GAS7: variants seen among roughly 807,000 people sequenced by gnomAD.
GAS7 encodes growth arrest-specific protein 7.
In GAS7, 28 loss-of-function variants were observed where a neutral mutation model predicts 71.1. That is an observed-to-expected ratio of 0.39 (90% CI 0.29 to 0.54). The LOEUF is 0.54. GAS7 is among the 20% of genes least tolerant of loss of function. The pLI, the probability that GAS7 is intolerant of heterozygous loss-of-function variation, is 0.62. For synonymous variants in GAS7, 258 were observed against 245.8 expected (o/e 1.05, Z -0.46); for missense variants, 436 against 627.8 (o/e 0.69, Z 3.27).
chr17:9,943,221 G>T lies in GAS7; in HGVS notation c.631C>A (p.Pro211Thr). Residue 211 changes from proline to threonine, a missense_variant, in exon 7 of 14, where the codon CCC becomes ACC. Pro to Thr is a conservative substitution (Grantham distance 38, BLOSUM62 -1). Transcript: ENST00000432992. The stretch of plus-strand genomic sequence containing the variant: ...CCAGCCACGGTGCCGTTGCCTTGGG[G>T]GTCCTTCTTATCAGCCTACAAAGGA... ...CDYFWADKKD[P>T]QGNGTVAGFE... The T allele has an allele frequency of 6.2e-7, 1 of 1,605,124 alleles. No individual in the cohort carries two copies.
At chr17:10,028,152 C>T (rs1464286320) in intron 1 of GAS7, among the ~76,000 whole-genome samples, 1 of 152,202 alleles carries the variant, frequency 6.6e-6, no homozygotes, top group Non-Finnish European at 1.5e-5. Flanking sequence ...ATCCACCCAC[C>T]TTGGCCTCCT....
At chr17:9,975,949 T>G (rs748353875) in intron 3 of GAS7, among the ~76,000 whole-genome samples, 5 of 151,046 alleles carry the variant, frequency 3.3e-5, no homozygotes, top group Admixed American at 6.6e-5. Flanking sequence ...TCTGATGACA[T>G]AGGGCACAAT....
chr17:10,060,871 C>G (rs989951237), intron 1 of GAS7, among the ~76,000 whole-genome samples: 25 of 152,154 alleles, frequency 1.6e-4, no homozygotes, highest in African/African-American at 5.8e-4. Context: ...ACTTTGTCCC[C>G]CCTGAGGACA....
At chr17:10,159,953 T>G (rs368900663) in intron 1 of GAS7, among the ~76,000 whole-genome samples, 2 of 150,650 alleles carry the variant, frequency 1.3e-5, no homozygotes, top group Admixed American at 1.3e-4. Flanking sequence ...ACCTAGCTAA[T>G]TTTTTTGTAG....
At chr17:10,118,468 T>C (rs1175969074) in intron 1 of GAS7, among the ~76,000 whole-genome samples, 2 of 152,112 alleles carry the variant, frequency 1.3e-5, no homozygotes, top group African/African-American at 4.8e-5. Flanking sequence ...CCCAACACTT[T>C]GGGAGGCCAA....
chr17:10,065,479 G>C (rs756576475), intron 1 of GAS7, among the ~76,000 whole-genome samples: 13 of 152,128 alleles, frequency 8.5e-5, no homozygotes, highest in Non-Finnish European at 1.9e-4. Flanking sequence ...TTCAGCTCCT[G>C]GTAGCCGCTG....
intron 1 of GAS7, among the ~76,000 whole-genome samples, chr17:10,035,063 A>G (rs904852102): frequency 5.3e-5 from 8 of 151,880 alleles, no homozygotes; most frequent in Non-Finnish European, 8.8e-5. Context: ...CAGCCCACCA[A>G]CAGCCTCTGC....
intron 1 of GAS7, among the ~76,000 whole-genome samples, chr17:10,149,934 G>A (rs2142106334): frequency 6.6e-6 from 1 of 152,252 alleles, no homozygotes; most frequent in East Asian, 1.9e-4. Context: ...AGTAGTTGTT[G>A]GTTGTTAGGG....
intron 1 of GAS7, among the ~76,000 whole-genome samples, chr17:10,073,511 T>A (rs1331110061): frequency 1.3e-5 from 2 of 152,156 alleles, no homozygotes; most frequent in African/African-American, 4.8e-5. Context: ...AGCCTTGCTG[T>A]TATATAAGAC....
intron 1 of GAS7, among the ~76,000 whole-genome samples, chr17:10,160,949 C>CACAT (rs2074250615): frequency 7.6e-6 from 1 of 131,174 alleles, no homozygotes; most frequent in South Asian, 2.6e-4. Context: ...TACACACACA[C>CACAT]ACACACACAC....
chr17:10,008,715 A>T (rs1279644233), intron 2 of GAS7, among the ~76,000 whole-genome samples: 1 of 152,218 alleles, frequency 6.6e-6, no homozygotes. Flanking sequence ...CTAAGAATCC[A>T]TTAAAGAAAA....
chr17:9,965,099 CT>C (rs1488525662), intron 4 of GAS7, among the ~76,000 whole-genome samples: 4 of 152,204 alleles, frequency 2.6e-5, no homozygotes, highest in Non-Finnish European at 5.9e-5. Flanking sequence ...GGACGCGATT[CT>C]GCAAAGGCAG....
In GAS7 at chr17:9,915,204, G is replaced by A. The variant is rs189953120; in HGVS notation, c.*2024C>T. 1 of 231,318 alleles carries A rather than the reference G, an allele frequency of 4.3e-6. No homozygotes were observed. Among genetic ancestry groups the A allele is most frequent in the East Asian group, 6.1e-5 (1 of 16,328 alleles). The allele number at this position is 231,318 out of a possible 1,614,324, so 14.3% of individuals were successfully genotyped here. On this transcript the variant is annotated 3_prime_UTR_variant, in exon 14 of 14. Coordinates refer to ENST00000432992, the MANE Select transcript of GAS7 (RefSeq NM_201433.2). ...GCTCACTCTATCCCAGGGATGAACA[G>A]AGGACTCTGGAATCCTCAGATGTAA...
intron 1 of GAS7, among the ~76,000 whole-genome samples, chr17:10,083,803 A>G (rs1367514556): frequency 6.6e-6 from 1 of 152,236 alleles, no homozygotes; most frequent in African/African-American, 2.4e-5. Context: ...AAAAGGTTAA[A>G]GCAAAGACAC....
At chr17:9,921,331 AT>A (rs1484032231) in intron 11 of GAS7, among the ~76,000 whole-genome samples, 1 of 151,550 alleles carries the variant, frequency 6.6e-6, no homozygotes, top group African/African-American at 2.4e-5. Flanking sequence ...TAGTTTTTGT[AT>A]TTTTAGTAGA....
At chr17:10,141,958 A>G (rs930327106) in intron 1 of GAS7, among the ~76,000 whole-genome samples, 37 of 145,944 alleles carry the variant, frequency 2.5e-4, no homozygotes, top group African/African-American at 6.9e-4. Context: ...GCCGGGCGCA[A>G]TGGCTCACGC....
In GAS7 at chr17:9,959,132, C is replaced by A; in HGVS notation, c.525+70G>T. 6.5e-7 allele frequency: 1 copy of A among 1,544,078 alleles called. No individual in the cohort carries two copies. Among genetic ancestry groups the A allele is most frequent in the Non-Finnish European group, 8.8e-7 (1 of 1,135,236 alleles). On this transcript the variant is annotated intron_variant, in intron 5 of 13. Transcript: ENST00000432992. This position sits in a 1 kb window ranked among gnomAD's most constrained non-coding sequence, Gnocchi z 5.0. ...ACTTCTGCTTGGCGGTCCACATCGC[C>A]ATGGCAACAGCCCAGCCAAATGCCC... is the stretch of plus-strand genomic sequence containing the variant.
intron 1 of GAS7, among the ~76,000 whole-genome samples, chr17:10,140,540 C>T (rs916575572): frequency 2.0e-5 from 3 of 152,156 alleles, no homozygotes; most frequent in African/African-American, 4.8e-5. Flanking sequence ...TGTGTATATA[C>T]ATGTGTGTCT....
chr17:10,029,783 C>A (rs942029051), intron 1 of GAS7, among the ~76,000 whole-genome samples: 2 of 151,780 alleles, frequency 1.3e-5, no homozygotes, highest in Admixed American at 1.3e-4. Flanking sequence ...ACCTAGAAGG[C>A]GGAGATTGCA....
Sources: gnomAD v4.1 joint callset for allele counts (sites outside exome capture counted in the v4.1 genomes callset) on GRCh38, gnomAD v4.1.1 for gene constraint, Gnocchi (gnomAD v3.1) non-coding constraint, MANE v1.5 for transcripts, NCBI Gene and HGNC (gene_info 2026-07-23, HGNC 2026-07-21) for gene names.